DCDC2: variants seen among roughly 807,000 people sequenced by gnomAD.
The protein encoded by DCDC2 is doublecortin domain-containing protein 2.
Under a neutral mutation model 50.2 loss-of-function variants are expected in DCDC2, and 40 were observed. That is an observed-to-expected ratio of 0.80 (90% CI 0.62 to 1.04). The LOEUF is 1.04. DCDC2 is among the 50% of genes least tolerant of loss of function. The pLI, the probability that DCDC2 is intolerant of heterozygous loss-of-function variation, is 0.00. For synonymous variants in DCDC2, 234 were observed against 210.6 expected (o/e 1.11, Z -0.96); for missense variants, 570 against 581.9 (o/e 0.98, Z 0.21).
intron 2 of DCDC2, among the ~76,000 whole-genome samples, chr6:24,329,128 T>C (rs1759923759): frequency 6.6e-6 from 1 of 152,094 alleles, no homozygotes; most frequent in South Asian, 2.1e-4. Context: ...AGGTAAAAAA[T>C]GATGAGCCCT....
intron 6 of DCDC2, among the ~76,000 whole-genome samples, chr6:24,288,451 A>G (rs923467825): frequency 1.1e-4 from 17 of 152,246 alleles, no homozygotes; most frequent in African/African-American, 3.9e-4. Flanking sequence ...ACAATTCTCA[A>G]TCTTTTCAAG....
At chr6:24,256,678 A>G (rs900316119) in intron 7 of DCDC2, among the ~76,000 whole-genome samples, 2 of 152,240 alleles carry the variant, frequency 1.3e-5, no homozygotes, top group African/African-American at 4.8e-5. Flanking sequence ...GGAGGCCACT[A>G]TTTAAAGTTA....
the DCDC2 span, among the ~76,000 whole-genome samples, chr6:24,375,319 T>C: frequency 6.6e-6 from 1 of 151,986 alleles, no homozygotes; most frequent in Non-Finnish European, 1.5e-5. Flanking sequence ...GCTGAGAGCC[T>C]ATGAGGCCGG....
intron 7 of DCDC2, among the ~76,000 whole-genome samples, chr6:24,242,405 T>C (rs946655912): frequency 6.6e-6 from 1 of 151,978 alleles, no homozygotes; most frequent in Non-Finnish European, 1.5e-5. Context: ...CCTAGGTGCA[T>C]GTAGGTTCCC....
intron 7 of DCDC2, among the ~76,000 whole-genome samples, chr6:24,217,139 T>C (rs1205801462): frequency 6.7e-6 from 1 of 149,164 alleles, no homozygotes; most frequent in African/African-American, 2.5e-5. Flanking sequence ...CAAAGAATCT[T>C]AAAAAAAAAA....
intron 4 of DCDC2, among the ~76,000 whole-genome samples, chr6:24,298,753 G>C (rs146290828): frequency 6.6e-6 from 1 of 152,258 alleles, no homozygotes; most frequent in African/African-American, 2.4e-5. Context: ...CTAAATGTTA[G>C]TTTTACTAGA....
intron 2 of DCDC2, among the ~76,000 whole-genome samples, chr6:24,322,168 T>C (rs780542046): frequency 1.2e-4 from 19 of 152,172 alleles, no homozygotes; most frequent in Non-Finnish European, 2.4e-4. Flanking sequence ...TGTCTTCTAA[T>C]ACAATGCACT....
intron 8 of DCDC2, among the ~76,000 whole-genome samples, chr6:24,192,847 A>C: frequency 6.6e-6 from 1 of 152,124 alleles, no homozygotes; most frequent in Non-Finnish European, 1.5e-5. Flanking sequence ...AAAATTATCA[A>C]AGAAACAATT....
intron 8 of DCDC2, among the ~76,000 whole-genome samples, chr6:24,180,478 C>T (rs1041649700): frequency 8.6e-5 from 13 of 151,828 alleles, no homozygotes; most frequent in South Asian, 2.1e-4. Context: ...TTAGTGGAGA[C>T]GGGGTTTCAC....
intron 6 of DCDC2, among the ~76,000 whole-genome samples, chr6:24,282,090 A>G (rs187952701): frequency 6.6e-6 from 1 of 152,130 alleles, no homozygotes; most frequent in East Asian, 1.9e-4. Flanking sequence ...GTCCTATGCA[A>G]AAACTAGACC....
intron 4 of DCDC2, among the ~76,000 whole-genome samples, chr6:24,292,343 C>CA (rs67697487): frequency 8.5e-4 from 122 of 144,332 alleles, no homozygotes; most frequent in East Asian, 2.0e-3. Flanking sequence ...TTTACAGACG[C>CA]AAAAAAAAAA....
intron 6 of DCDC2, among the ~76,000 whole-genome samples, chr6:24,278,844 T>G (rs180940121): frequency 1.4e-4 from 22 of 152,172 alleles, no homozygotes; most frequent in African/African-American, 5.1e-4. Flanking sequence ...TCTCCAATAT[T>G]AACGAGTCTG....
chr6:24,286,700 C>T (rs1183236001), intron 6 of DCDC2, among the ~76,000 whole-genome samples: 4 of 152,092 alleles, frequency 2.6e-5, no homozygotes. Flanking sequence ...AACTAAGTTT[C>T]CTGATGATAC....
At chr6:24,241,532 T>C (rs1157990914) in intron 7 of DCDC2, among the ~76,000 whole-genome samples, 1 of 152,228 alleles carries the variant, frequency 6.6e-6, no homozygotes, top group African/African-American at 2.4e-5. Context: ...TAAATACATA[T>C]ATCCTCTAGA....
In DCDC2 at chr6:24,178,618, T is replaced by C; in HGVS notation, c.1038A>G (p.Ile346Met). 1 of 1,612,998 alleles carries C rather than the reference T, an allele frequency of 6.2e-7. No individual in the cohort carries two copies. The highest frequency in any genetic ancestry group is 8.5e-7 in the Non-Finnish European group (1 of 1,179,722). Residue 346 changes from isoleucine (I) to methionine (M), a missense_variant, in exon 9 of 10, where the codon ATA becomes ATG. Coordinates refer to ENST00000378454, the MANE Select transcript of DCDC2 (RefSeq NM_016356.5). Reference protein sequence around the residue: ...EVPVDQRPAEIVDEEEDGEKA... With the variant: ...EVPVDQRPAEMVDEEEDGEKA... ...TCTCTCCATCTTCTTCCTCGTCTAC[T>C]ATTTCTGCTGGCCTCTGATGGATCA... is the stretch of plus-strand genomic sequence containing the variant.
At chr6:24,274,461 A>G (rs1383569466) in intron 7 of DCDC2, among the ~76,000 whole-genome samples, 1 of 152,128 alleles carries the variant, frequency 6.6e-6, no homozygotes, top group Non-Finnish European at 1.5e-5. Context: ...CTAAAAATGC[A>G]TTTCACACCC....
At chr6:24,322,263 G>A (rs1019566750) in intron 2 of DCDC2, among the ~76,000 whole-genome samples, 1 of 152,050 alleles carries the variant, frequency 6.6e-6, no homozygotes, top group African/African-American at 2.4e-5. Context: ...CTATCTAAGG[G>A]GTCTGGGGAG....
chr6:24,335,799 T>G (rs1266337242), intron 2 of DCDC2, among the ~76,000 whole-genome samples: 2 of 152,090 alleles, frequency 1.3e-5, no homozygotes, highest in Non-Finnish European at 2.9e-5. Flanking sequence ...ACAAAACCAT[T>G]AGATCTCGTG....
At chr6:24,338,593 A>G (rs1339796155) in intron 2 of DCDC2, among the ~76,000 whole-genome samples, 1 of 152,198 alleles carries the variant, frequency 6.6e-6, no homozygotes, top group Non-Finnish European at 1.5e-5. Flanking sequence ...TGTAGCAATA[A>G]GAGTCATTGT....
Sources: allele counts gnomAD v4.1 joint callset (sites outside exome capture counted in the v4.1 genomes callset), GRCh38; gene constraint gnomAD v4.1.1; transcripts MANE v1.5; gene names NCBI Gene and HGNC (gene_info 2026-07-23, HGNC 2026-07-21).